Variants in HS6ST3 observed in about 807,000 individuals in gnomAD.
The protein encoded by HS6ST3 is heparan sulfate 6-O-sulfotransferase 3.
HS6ST3 carries 12 observed loss-of-function variants against 36.7 expected under a neutral mutation model. The ratio of observed to expected loss-of-function variants is 0.33; its 90% CI spans 0.21 to 0.53. The LOEUF (loss-of-function observed/expected upper bound fraction) is 0.53. Among genes scored for constraint, HS6ST3 ranks in the 20% least tolerant of loss-of-function variants. HS6ST3 has a pLI of 0.95. For synonymous variants in HS6ST3, 240 were observed against 257.5 expected (o/e 0.93, Z 0.65); for missense variants, 584 against 640.9 (o/e 0.91, Z 0.96).
chr13:96,572,893 A>G (rs1467560875), intron 1 of HS6ST3, among the ~76,000 whole-genome samples: 2 of 152,246 alleles, frequency 1.3e-5, no homozygotes, highest in East Asian at 3.8e-4. Context: ...AAGCAATGAT[A>G]GGCACATTGT....
intron 1 of HS6ST3, among the ~76,000 whole-genome samples, chr13:96,581,361 A>G (rs1474273165): frequency 6.6e-6 from 1 of 151,938 alleles, no homozygotes; most frequent in African/African-American, 2.4e-5. Flanking sequence ...CTGAGACTAC[A>G]GGTGTATGTC....
intron 1 of HS6ST3, among the ~76,000 whole-genome samples, chr13:96,525,557 C>G (rs2056110505): frequency 6.6e-6 from 1 of 152,174 alleles, no homozygotes; most frequent in Non-Finnish European, 1.5e-5. Context: ...CACACACACA[C>G]ACACGCAAAC....
chr13:96,139,541 GAAAA>G (rs57777280), intron 1 of HS6ST3, among the ~76,000 whole-genome samples: 103 of 66,278 alleles, frequency 1.6e-3, no homozygotes, highest in South Asian at 5.0e-3. Flanking sequence ...GTAAGATTCA[GAAAA>G]AAAAAAAAAA....
At chr13:96,239,343 T>C (rs2054549594) in intron 1 of HS6ST3, among the ~76,000 whole-genome samples, 1 of 152,220 alleles carries the variant, frequency 6.6e-6, no homozygotes, top group Admixed American at 6.5e-5. Flanking sequence ...TCTTATGCCT[T>C]AGAGTGTTAA....
chr13:96,275,522 A>G (rs944826883), intron 1 of HS6ST3, among the ~76,000 whole-genome samples: 8 of 152,202 alleles, frequency 5.3e-5, no homozygotes, highest in African/African-American at 1.9e-4. Flanking sequence ...TTTTTTCCCC[A>G]TTTCTATAGA....
chr13:96,514,577 A>T (rs1417637950), intron 1 of HS6ST3, among the ~76,000 whole-genome samples: 2 of 152,196 alleles, frequency 1.3e-5, no homozygotes, highest in East Asian at 3.9e-4. Context: ...AGAGGAGGTC[A>T]TGTGAGCACA....
rs748169087 is a variant in HS6ST3 at position 96,346,390 on chromosome 13, C to A, written c.707+254821C>A. 5.3e-5 allele frequency among the ~76,000 whole-genome samples: 8 copies of A among 151,834 alleles called. No homozygotes were observed. The East Asian group carries it at 7.8e-4, about 15-fold the overall frequency. On this transcript the variant is annotated intron_variant, in intron 1 of 1. Transcript: ENST00000376705. ...GAGATCAAGACCATCCTGGCTAAAA[C>A]GGTGAAACCCTATCTCTCCTAAAAA...
intron 1 of HS6ST3, among the ~76,000 whole-genome samples, chr13:96,694,396 T>G (rs1254149952): frequency 6.6e-6 from 1 of 152,246 alleles, no homozygotes; most frequent in Non-Finnish European, 1.5e-5. Flanking sequence ...TACCACATTT[T>G]CTTTATCCAG....
chr13:96,534,577 T>C (rs1258007733), intron 1 of HS6ST3, among the ~76,000 whole-genome samples: 1 of 152,236 alleles, frequency 6.6e-6, no homozygotes, highest in Admixed American at 6.5e-5. Context: ...ATCACCATTG[T>C]GGTTGTCACT....
At chr13:96,136,682 CATATATATATATATATATATA>C (rs1161973701) in intron 1 of HS6ST3, among the ~76,000 whole-genome samples, 1 of 130,516 alleles carries the variant, frequency 7.7e-6, no homozygotes, top group Non-Finnish European at 1.6e-5. Flanking sequence ...TGTTATGAAA[CATATATATATATATATATATA>C]TATATATATA....
At chr13:96,547,354 CT>C (rs1249902117) in intron 1 of HS6ST3, among the ~76,000 whole-genome samples, 1 of 152,132 alleles carries the variant, frequency 6.6e-6, no homozygotes, top group Non-Finnish European at 1.5e-5. Context: ...TTCTTTTCTC[CT>C]TTTTGGGTTT....
intron 1 of HS6ST3, among the ~76,000 whole-genome samples, chr13:96,774,157 C>G (rs1877336347): frequency 6.6e-6 from 1 of 152,116 alleles, no homozygotes; most frequent in African/African-American, 2.4e-5. Context: ...GACGTCCACA[C>G]AAAAACCCCA....
chr13:96,572,657 C>T (rs568321404), intron 1 of HS6ST3, among the ~76,000 whole-genome samples: 4 of 151,532 alleles, frequency 2.6e-5, no homozygotes, highest in African/African-American at 9.7e-5. Context: ...CCATTCCTCC[C>T]GAATATTCTG....
intron 1 of HS6ST3, among the ~76,000 whole-genome samples, chr13:96,537,330 CACA>C (rs575498997): frequency 6.0e-4 from 91 of 152,244 alleles, no homozygotes; most frequent in African/African-American, 1.7e-3. Context: ...GGGTCCCTCC[CACA>C]ACATGTGGGA....
At chr13:96,399,288 A>T (rs1019885494) in intron 1 of HS6ST3, among the ~76,000 whole-genome samples, 2 of 152,188 alleles carry the variant, frequency 1.3e-5, no homozygotes, top group African/African-American at 2.4e-5. Flanking sequence ...TAATCATGGC[A>T]TGATGAAATT....
rs1555389089 is a variant in HS6ST3 at position 96,166,575 on chromosome 13, C to CTTTCT, written c.707+75009_707+75010insCTTTT. On this transcript the variant is annotated intron_variant, in intron 1 of 1. Coordinates refer to ENST00000376705, the MANE Select transcript of HS6ST3 (RefSeq NM_153456.4). ...TTTGCTTTTCTTTCTTTCTTTCTTT[C>CTTTCT]TTTTTTTTTTTTTTTTTGTAGAGAC... Among the ~76,000 whole-genome samples the CTTTCT allele has an allele frequency of 2.2e-3, 284 of 131,566 alleles. 1 individual carries two copies. Among genetic ancestry groups the CTTTCT allele is most frequent in the African/African-American group, 7.9e-3 (280 of 35,498 alleles). 86.3% of individuals were successfully genotyped at this position (131,566 alleles called of 152,430 possible).
At chr13:96,725,881 G>A (rs1359707312) in intron 1 of HS6ST3, among the ~76,000 whole-genome samples, 1 of 151,940 alleles carries the variant, frequency 6.6e-6, no homozygotes, top group African/African-American at 2.4e-5. Context: ...CTGTCACCCA[G>A]GCTGGAGTGC....
At chr13:96,386,366 GCAGA>G (rs1290073691) in intron 1 of HS6ST3, among the ~76,000 whole-genome samples, 5 of 152,126 alleles carry the variant, frequency 3.3e-5, no homozygotes, top group Admixed American at 1.3e-4. Flanking sequence ...AAAGTGATGT[GCAGA>G]ATGATGCCTT....
intron 1 of HS6ST3, among the ~76,000 whole-genome samples, chr13:96,773,664 G>A (rs566673621): frequency 6.6e-6 from 1 of 152,272 alleles, no homozygotes; most frequent in Admixed American, 6.5e-5. Flanking sequence ...TGAAAGAAAG[G>A]CAGCATCCCC....
Sources: gnomAD v4.1 joint callset for allele counts (sites outside exome capture counted in the v4.1 genomes callset) on GRCh38, gnomAD v4.1.1 for gene constraint, MANE v1.5 for transcripts, NCBI Gene and HGNC (gene_info 2026-07-23, HGNC 2026-07-21) for gene names.